SUCLA2: variants seen among roughly 807,000 people sequenced by gnomAD.
SUCLA2 encodes the protein succinate-CoA ligase ADP-forming subunit beta, also known as succinate--CoA ligase [ADP-forming] subunit beta, mitochondrial.
SUCLA2 carries 30 observed loss-of-function variants against 54.8 expected under a neutral mutation model. That is an observed-to-expected ratio of 0.55 (90% confidence interval 0.41 to 0.74). SUCLA2 has a LOEUF of 0.74. Ranked by LOEUF, SUCLA2 falls within the 30% of genes least tolerant of loss-of-function variation. SUCLA2 has a pLI of 0.00. For synonymous variants in SUCLA2, 172 were observed against 188.9 expected (o/e 0.91, Z 0.74); for missense variants, 476 against 562.9 (o/e 0.85, Z 1.56).
At chr13:47,977,534 T>C (rs972424987) in intron 4 of SUCLA2, among the ~76,000 whole-genome samples, 1 of 151,798 alleles carries the variant, frequency 6.6e-6, no homozygotes, top group Non-Finnish European at 1.5e-5. Context: ...CAAAAAATAC[T>C]AGCAAACTGA....
At chr13:47,972,967 G>T (rs1026261433) in intron 5 of SUCLA2, among the ~76,000 whole-genome samples, 9 of 151,744 alleles carry the variant, frequency 5.9e-5, no homozygotes, top group Non-Finnish European at 1.2e-4. Context: ...GGCCAGGCTG[G>T]TCTCGAACTC....
intron 10 of SUCLA2, among the ~76,000 whole-genome samples, chr13:47,946,232 C>G (rs953928984): frequency 6.6e-6 from 1 of 152,138 alleles, no homozygotes; most frequent in Non-Finnish European, 1.5e-5. Flanking sequence ...AATACATAAA[C>G]TTTATCAAAG....
intron 6 of SUCLA2, among the ~76,000 whole-genome samples, chr13:47,965,975 G>A (rs901934939): frequency 3.3e-5 from 5 of 152,212 alleles, no homozygotes; most frequent in African/African-American, 4.8e-5. Context: ...GAGAACCCGG[G>A]AGGTGGAGCT....
chr13:47,974,378 G>T (rs1249540605), intron 4 of SUCLA2, among the ~76,000 whole-genome samples: 1 of 152,130 alleles, frequency 6.6e-6, no homozygotes, highest in Non-Finnish European at 1.5e-5. Flanking sequence ...TTGAGTTCAG[G>T]AGTCAAGACC....
chr13:47,989,360 G>T (rs7985307), intron 2 of SUCLA2, among the ~76,000 whole-genome samples: 1 of 151,904 alleles, frequency 6.6e-6, no homozygotes, highest in Admixed American at 6.6e-5. Flanking sequence ...ACAGGCGCCC[G>T]CCACCATGCC....
intron 4 of SUCLA2, among the ~76,000 whole-genome samples, chr13:47,979,864 T>C (rs1261567299): frequency 1.6e-4 from 25 of 152,186 alleles, no homozygotes; most frequent in Non-Finnish European, 1.5e-5. Flanking sequence ...TGTTGTCATA[T>C]GTAGAAATCC....
At chr13:47,980,740 A>G (rs762664664) in intron 4 of SUCLA2, among the ~76,000 whole-genome samples, 4 of 152,186 alleles carry the variant, frequency 2.6e-5, no homozygotes, top group Non-Finnish European at 4.4e-5. Context: ...ATAAAAAAAC[A>G]GACATATAGA....
At chr13:47,985,392 C>T (rs1245141631) in intron 4 of SUCLA2, among the ~76,000 whole-genome samples, 2 of 150,530 alleles carry the variant, frequency 1.3e-5, no homozygotes, top group Non-Finnish European at 3.0e-5. Context: ...CCTCCCTCCA[C>T]CCCCACCCCG....
chr13:47,950,077 C>A (rs906007308), intron 8 of SUCLA2, among the ~76,000 whole-genome samples: 7 of 152,206 alleles, frequency 4.6e-5, no homozygotes, highest in African/African-American at 1.7e-4. Context: ...TGTTTGACTC[C>A]TGCAGAGCAA....
At chr13:47,947,272 AAT>A (rs1566080137) in intron 10 of SUCLA2, among the ~76,000 whole-genome samples, 1 of 132,544 alleles carries the variant, frequency 7.5e-6, no homozygotes, top group East Asian at 2.1e-4. Flanking sequence ...ACACACGCAC[AAT>A]ACACACACAC....
intron 8 of SUCLA2, among the ~76,000 whole-genome samples, chr13:47,951,094 C>G (rs548979432): frequency 6.6e-6 from 1 of 152,196 alleles, no homozygotes; most frequent in African/African-American, 2.4e-5. Context: ...CCTTAAAGTT[C>G]TTGGATCTTT....
chr13:47,988,265 T>C (rs1950120162), intron 4 of SUCLA2: 1 of 509,138 alleles, frequency 2.0e-6, no homozygotes, highest in Non-Finnish European at 3.4e-6. Context: ...CCAGAGATGA[T>C]TTAAGCTGCT....
chr13:47,980,019 T>C (rs1950048297), intron 4 of SUCLA2, among the ~76,000 whole-genome samples: 1 of 152,100 alleles, frequency 6.6e-6, no homozygotes, highest in Non-Finnish European at 1.5e-5. Context: ...TGGAAATAAT[T>C]CCAGTTAAAA....
intron 6 of SUCLA2, among the ~76,000 whole-genome samples, chr13:47,956,068 A>G (rs1454863858): frequency 3.3e-5 from 5 of 152,202 alleles, no homozygotes; most frequent in African/African-American, 9.7e-5. Context: ...AAATGTAACC[A>G]CTAGTAAAGA....
chr13:47,984,477 C>T (rs866096647), intron 4 of SUCLA2, among the ~76,000 whole-genome samples: 2 of 152,132 alleles, frequency 1.3e-5, no homozygotes, highest in East Asian at 1.9e-4. Context: ...GTCGGGATTA[C>T]AGGTGTCAGC....
At chr13:47,993,988 G>C (rs1950171154) in intron 2 of SUCLA2, among the ~76,000 whole-genome samples, 1 of 151,512 alleles carries the variant, frequency 6.6e-6, no homozygotes, top group Non-Finnish European at 1.5e-5. Context: ...AACCCAGGAG[G>C]CGGAGGTTGC....
intron 4 of SUCLA2, among the ~76,000 whole-genome samples, chr13:47,987,467 G>A (rs1950112796): frequency 6.6e-6 from 1 of 152,104 alleles, no homozygotes; most frequent in South Asian, 2.1e-4. Flanking sequence ...TGAGGTTACT[G>A]TCATGGGATT....
At chr13:47,957,130 T>A (rs1439839957) in intron 6 of SUCLA2, among the ~76,000 whole-genome samples, 1 of 152,208 alleles carries the variant, frequency 6.6e-6, no homozygotes, top group Non-Finnish European at 1.5e-5. Flanking sequence ...CTCTCATTCA[T>A]CATGATTGCT....
chr13:47,990,347 A>G (rs1217561017), intron 2 of SUCLA2, among the ~76,000 whole-genome samples: 1 of 152,188 alleles, frequency 6.6e-6, no homozygotes, highest in Non-Finnish European at 1.5e-5. Flanking sequence ...GGCTGTCTCA[A>G]AAGAGTAAAT....
Sources: gnomAD v4.1 joint callset for allele counts (sites outside exome capture counted in the v4.1 genomes callset) on GRCh38, gnomAD v4.1.1 for gene constraint, MANE v1.5 for transcripts, NCBI Gene and HGNC (gene_info 2026-07-23, HGNC 2026-07-21) for gene names.